The following TENM3 variants were observed in gnomAD, a reference collection of about 807,000 sequenced individuals.
TENM3 encodes the protein teneurin transmembrane protein 3.
In TENM3, 63 loss-of-function variants were observed where a neutral mutation model predicts 255.1. The observed-to-expected ratio is 0.25, with a 90% CI of 0.20 to 0.30. The LOEUF (loss-of-function observed/expected upper bound fraction) is 0.30, where lower values mean the gene tolerates loss of function less well. Among genes scored for constraint, TENM3 ranks in the 10% least tolerant of loss-of-function variants. The pLI is 1.00. For synonymous variants in TENM3, 1,306 were observed against 1,322.3 expected (o/e 0.99, Z 0.27); for missense variants, 2,929 against 3,461.1 (o/e 0.85, Z 3.86).
chr4:182,286,591 G>A (rs1286670236), intron 1 of TENM3, among the ~76,000 whole-genome samples: 1 of 152,178 alleles, frequency 6.6e-6, no homozygotes, highest in Non-Finnish European at 1.5e-5. Flanking sequence ...GTTGGGAGCA[G>A]GCCTAGCTCT....
chr4:182,523,430 C>T (rs1738788356), intron 3 of TENM3, among the ~76,000 whole-genome samples: 1 of 152,102 alleles, frequency 6.6e-6, no homozygotes, highest in Non-Finnish European at 1.5e-5. Context: ...TTTTTTGGAA[C>T]ATGTAAGGTT....
At position 182,801,151 on chromosome 4, in the gene TENM3, G is replaced by C. The variant is rs2152842416; in HGVS notation, c.*800G>C. The C allele has an allele frequency of 6.6e-6, 1 of 152,522 alleles. No homozygotes were observed. The highest frequency in any genetic ancestry group is 6.5e-5 in the Admixed American group (1 of 15,282). The allele number at this position is 152,522 out of a possible 1,614,324, so 9.4% of individuals were successfully genotyped here. ...GTGAACTGTGTGATTTTTTTAAAAG[G>C]ATTGCACCTTTTGTTATCTGTTATA... On this transcript the variant is annotated 3_prime_UTR_variant, in exon 28 of 28. Transcript: ENST00000511685.
At chr4:182,698,563 A>G (rs1164153781) in intron 12 of TENM3, among the ~76,000 whole-genome samples, 2 of 152,240 alleles carry the variant, frequency 1.3e-5, no homozygotes, top group Non-Finnish European at 2.9e-5. Context: ...CCCGAGGGCC[A>G]TGTGGATACA....
chr4:182,729,969 C>T (rs572551111), intron 14 of TENM3, among the ~76,000 whole-genome samples: 31 of 152,144 alleles, frequency 2.0e-4, no homozygotes, highest in Non-Finnish European at 3.7e-4. Context: ...CTCCAAAAAA[C>T]AGATTGCCAC....
the TENM3 span, among the ~76,000 whole-genome samples, chr4:181,608,939 T>G: frequency 2.0e-5 from 3 of 152,320 alleles, no homozygotes; most frequent in Admixed American, 6.5e-5. Flanking sequence ...GCCACTGTTT[T>G]GGGGGTTTCC....
At chr4:181,525,992 G>A in the TENM3 span, among the ~76,000 whole-genome samples, 2 of 152,140 alleles carry the variant, frequency 1.3e-5, no homozygotes, top group Admixed American at 1.3e-4. Flanking sequence ...AATACAGAAG[G>A]TTTGAGAGAA....
At chr4:182,546,132 A>G (rs1458913232) in intron 3 of TENM3, among the ~76,000 whole-genome samples, 2 of 152,236 alleles carry the variant, frequency 1.3e-5, no homozygotes, top group Non-Finnish European at 2.9e-5. Flanking sequence ...CATCCTTGTC[A>G]TCTTCACGCT....
At chr4:182,625,172 C>A (rs1371077313) in intron 4 of TENM3, among the ~76,000 whole-genome samples, 2 of 152,094 alleles carry the variant, frequency 1.3e-5, no homozygotes, top group African/African-American at 4.8e-5. Context: ...ATCGGTGATA[C>A]CAGGAGGGGT....
At chr4:182,667,179 GTTTTGTTTTGTT>G (rs1211248674) in intron 6 of TENM3, among the ~76,000 whole-genome samples, 70 of 83,208 alleles carry the variant, frequency 8.4e-4, no homozygotes, top group African/African-American at 3.0e-3. Flanking sequence ...CCATTTTTTT[GTTTTGTTTTGTT>G]TTGTTTTGTT....
In TENM3 at chr4:182,751,871, A is replaced by G; in HGVS notation, c.3701A>G (p.Asn1234Ser). 6.2e-7 allele frequency: 1 copy of G among 1,613,870 alleles called. No homozygotes were observed. Residue 1234 changes from asparagine (N) to serine (S), a missense_variant, in exon 20 of 28, where the codon AAC becomes AGC. By Grantham distance (46) the Asn-to-Ser change is conservative. Transcript: ENST00000511685. ...GGAGATCTGTACGTTTCTGACACAA[A>G]CACCCGCAGAATTTATCGCCCAAAG... ...VTGDLYVSDT[N>S]TRRIYRPKSL... is the part of the protein sequence containing the mutation.
chr4:182,503,833 C>T (rs1736552908), intron 3 of TENM3, among the ~76,000 whole-genome samples: 1 of 152,074 alleles, frequency 6.6e-6, no homozygotes, highest in Admixed American at 6.6e-5. Context: ...CCCCAGATAT[C>T]CACGAGACTT....
chr4:181,829,681 G>A, the TENM3 span, among the ~76,000 whole-genome samples: 2 of 152,172 alleles, frequency 1.3e-5, no homozygotes, highest in Non-Finnish European at 2.9e-5. Flanking sequence ...CTGCTGAACC[G>A]CTCTATCCCA....
chr4:182,352,004 G>A (rs1765214349), intron 3 of TENM3, among the ~76,000 whole-genome samples: 1 of 152,048 alleles, frequency 6.6e-6, no homozygotes, highest in South Asian at 2.1e-4. Context: ...TGTTTATGTG[G>A]CTATGAAGAT....
chr4:182,601,655 G>T (rs1466172125), intron 4 of TENM3, among the ~76,000 whole-genome samples: 1 of 152,126 alleles, frequency 6.6e-6, no homozygotes, highest in African/African-American at 2.4e-5. Context: ...TAAGGATATT[G>T]TAGTTTCTTG....
At chr4:181,971,158 G>A in the TENM3 span, among the ~76,000 whole-genome samples, 9 of 152,248 alleles carry the variant, frequency 5.9e-5, no homozygotes, top group Admixed American at 2.6e-4. Context: ...ATATAAGACC[G>A]TCACAAAATG....
chr4:182,378,037 A>C (rs17073208), intron 3 of TENM3, among the ~76,000 whole-genome samples: 5,159 of 152,152 alleles, frequency 0.034, 169 homozygotes, highest in African/African-American at 0.069. Flanking sequence ...GAGGATACGG[A>C]GGGAAGGCAG....
the TENM3 span, among the ~76,000 whole-genome samples, chr4:181,917,848 G>C: frequency 1.1e-4 from 17 of 151,796 alleles, no homozygotes; most frequent in African/African-American, 3.4e-4. Context: ...TTTTAGTAGA[G>C]ACAGGGTTTC....
intron 3 of TENM3, among the ~76,000 whole-genome samples, chr4:182,570,686 T>C (rs1317411001): frequency 6.6e-6 from 1 of 151,994 alleles, no homozygotes; most frequent in Non-Finnish European, 1.5e-5. Flanking sequence ...TACAAAAAAT[T>C]AGCCAGGCGT....
At chr4:182,675,105 A>G (rs568515613) in intron 7 of TENM3, among the ~76,000 whole-genome samples, 7 of 148,820 alleles carry the variant, frequency 4.7e-5, no homozygotes, top group African/African-American at 1.7e-4. Flanking sequence ...CGAACTCCCA[A>G]CCTCAGGTGA....
Sources: allele counts gnomAD v4.1 joint callset (sites outside exome capture counted in the v4.1 genomes callset), GRCh38; gene constraint gnomAD v4.1.1; transcripts MANE v1.5; gene names NCBI Gene and HGNC (gene_info 2026-07-23, HGNC 2026-07-21).